The following NTM variants were observed in gnomAD, a reference collection of about 807,000 sequenced individuals.
The protein encoded by NTM is neurotrimin.
Under a neutral mutation model 42.1 loss-of-function variants are expected in NTM, and 13 were observed. The ratio of observed to expected loss-of-function variants is 0.31; its 90% confidence interval spans 0.20 to 0.49. The LOEUF (loss-of-function observed/expected upper bound fraction) is 0.49. Among genes scored for constraint, NTM ranks in the 20% least tolerant of loss-of-function variants. The probability of loss-of-function intolerance (pLI) is 0.99; values close to 1 mark genes in which losing one functional copy is unlikely to be tolerated. For missense variants in NTM, 373 were observed against 452.8 expected, an observed-to-expected ratio of 0.82 and a Z score of 1.60; for synonymous variants, 187 against 179.2, an observed-to-expected ratio of 1.04 and a Z score of -0.35.
intron 1 of NTM, among the ~76,000 whole-genome samples, chr11:131,813,369 G>T (rs1008120364): frequency 4.6e-5 from 7 of 152,150 alleles, no homozygotes; most frequent in African/African-American, 1.7e-4. Flanking sequence ...TGCTGGGGAT[G>T]CAAAGATGAA....
chr11:131,683,228 C>T (rs73031959), intron 1 of NTM, among the ~76,000 whole-genome samples: 115 of 152,352 alleles, frequency 7.5e-4, no homozygotes, highest in Non-Finnish European at 1.5e-3. Flanking sequence ...CATCACTCTC[C>T]GCGCTTCAGC....
At chr11:132,116,950 A>G (rs147581577) in intron 2 of NTM, among the ~76,000 whole-genome samples, 4 of 152,334 alleles carry the variant, frequency 2.6e-5, no homozygotes, top group Admixed American at 6.5e-5. Flanking sequence ...GGGGGAAACT[A>G]TCCATCGAGG....
Position 131,779,188 on chromosome 11 carries a change from C to A in NTM, c.83-132376C>A, listed in dbSNP as rs182219272. Among the ~76,000 whole-genome samples the A allele has an allele frequency of 2.0e-3, 298 of 152,288 alleles. 1 individual carries two copies. The highest frequency in any genetic ancestry group is 6.8e-3 in the African/African-American group (283 of 41,556). On this transcript the variant is annotated intron_variant, in intron 1 of 8. Coordinates refer to ENST00000683400, the MANE Select transcript of NTM (RefSeq NM_001352005.2). Reference sequence around the variant, plus strand: ...CCACAGAAAATGAATTCTGCCCACACAAATGAGCCTGGAAGAGGATTCGAA... The same window carrying A: ...CCACAGAAAATGAATTCTGCCCACAAAAATGAGCCTGGAAGAGGATTCGAA...
chr11:131,740,533 TA>T (rs2081051556), intron 1 of NTM, among the ~76,000 whole-genome samples: 1 of 152,248 alleles, frequency 6.6e-6, no homozygotes, highest in Non-Finnish European at 1.5e-5. Flanking sequence ...TGGCTCACAC[TA>T]AAATCCATAG....
intron 3 of NTM, among the ~76,000 whole-genome samples, chr11:132,151,611 T>G (rs1267555902): frequency 6.6e-6 from 1 of 152,222 alleles, no homozygotes; most frequent in Non-Finnish European, 1.5e-5. Flanking sequence ...CTGGAGTATC[T>G]AATCATCCCC....
intron 1 of NTM, among the ~76,000 whole-genome samples, chr11:131,683,706 C>T (rs2073368822): frequency 6.6e-6 from 1 of 152,184 alleles, no homozygotes; most frequent in South Asian, 2.1e-4. Context: ...GCGACCTGAT[C>T]CCCACGTCAG....
At position 131,678,668 on chromosome 11, in the gene NTM, C is replaced by T. The variant is rs566551456; in HGVS notation, c.83-232896C>T. Among the ~76,000 whole-genome samples the T allele has an allele frequency of 4.7e-3, 713 of 152,360 alleles. 1 individual carries two copies. The highest frequency in any genetic ancestry group is 0.01 in the Middle Eastern group (3 of 294). On this transcript the variant is annotated intron_variant, in intron 1 of 8. Transcript: ENST00000683400. ...TTTTCTTCCTTCTCTCTCTCTTCCT[C>T]TTCTCCCATCTCTTTCTTTGGCAAG... is the stretch of plus-strand genomic sequence containing the variant.
intron 1 of NTM, among the ~76,000 whole-genome samples, chr11:131,665,822 C>A (rs886918676): frequency 6.6e-6 from 1 of 152,204 alleles, no homozygotes; most frequent in Non-Finnish European, 1.5e-5. Flanking sequence ...CCCACCCCAC[C>A]GTATTTTGCC....
At chr11:131,626,262 A>G (rs2512872) in intron 1 of NTM, among the ~76,000 whole-genome samples, 122,227 of 152,054 alleles carry the variant, frequency 0.8, 49,218 homozygotes, top group Non-Finnish European at 0.83. Context: ...ACTTCTTCAA[A>G]TATCTCTTTG....
At chr11:131,432,613 A>AT (rs1405066637) in intron 1 of NTM, among the ~76,000 whole-genome samples, 4 of 152,188 alleles carry the variant, frequency 2.6e-5, no homozygotes, top group South Asian at 2.1e-4. Flanking sequence ...AAAATCGTGT[A>AT]TTTTTTGTGA....
intron 3 of NTM, among the ~76,000 whole-genome samples, chr11:132,208,514 G>A (rs2138606072): frequency 6.6e-6 from 1 of 152,228 alleles, no homozygotes; most frequent in South Asian, 2.1e-4. Context: ...ATTATTAGTG[G>A]GGGGAGACAA....
intron 4 of NTM, among the ~76,000 whole-genome samples, chr11:132,294,487 T>C (rs2094549276): frequency 1.3e-5 from 2 of 152,100 alleles, no homozygotes; most frequent in African/African-American, 4.8e-5. Context: ...AGGTTGCTAG[T>C]TTTTTCACGC....
At chr11:131,817,516 G>A (rs1360368191) in intron 1 of NTM, among the ~76,000 whole-genome samples, 1 of 152,144 alleles carries the variant, frequency 6.6e-6, no homozygotes, top group Non-Finnish European at 1.5e-5. Context: ...CACCTCAGGG[G>A]CTCCTCTCCC....
At chr11:132,289,706 C>T (rs73042099) in intron 4 of NTM, among the ~76,000 whole-genome samples, 13,688 of 152,190 alleles carry the variant, frequency 0.09, 683 homozygotes, top group Middle Eastern at 0.16. Flanking sequence ...TACTCAGTTC[C>T]GCTGGTCATG....
In NTM at chr11:132,141,945, G is replaced by T. The variant is rs74799017; in HGVS notation, c.168-4337G>T. Among the ~76,000 whole-genome samples the T allele has an allele frequency of 2.8e-4, 43 of 152,302 alleles. No homozygotes were observed. In the East Asian group the frequency reaches 8.0e-3, roughly 28 times the overall value. ...AGAAGGCTAATGGCCACTGCCAGAG[G>T]GCTGCAGTGCGGGGCAACTGGAGGG... On this transcript the variant is annotated intron_variant, in intron 2 of 8. Coordinates refer to ENST00000683400, the MANE Select transcript of NTM (RefSeq NM_001352005.2).
chr11:131,426,087 C>T (rs1292218462), intron 1 of NTM, among the ~76,000 whole-genome samples: 5 of 152,138 alleles, frequency 3.3e-5, no homozygotes, highest in Non-Finnish European at 5.9e-5. Context: ...TGGGAGGCAT[C>T]ACTGAGGGCT....
chr11:131,947,752 T>G (rs1440200716), intron 2 of NTM, among the ~76,000 whole-genome samples: 6 of 152,166 alleles, frequency 3.9e-5, no homozygotes. Flanking sequence ...ATAACAGTGA[T>G]GTTGGCTTCA....
chr11:131,671,005 C>G (rs1224557282), intron 1 of NTM, among the ~76,000 whole-genome samples: 1 of 152,122 alleles, frequency 6.6e-6, no homozygotes, highest in Non-Finnish European at 1.5e-5. Flanking sequence ...GCAGAGGCTC[C>G]CCTCTTCCTC....
At chr11:131,448,056 C>T (rs1054150064) in intron 1 of NTM, among the ~76,000 whole-genome samples, 1 of 152,250 alleles carries the variant, frequency 6.6e-6, no homozygotes, top group Admixed American at 6.5e-5. Flanking sequence ...GCCCTGCTGC[C>T]AGACCACATC....
Sources: gnomAD v4.1 joint callset for allele counts (sites outside exome capture counted in the v4.1 genomes callset) on GRCh38, gnomAD v4.1.1 for gene constraint, MANE v1.5 for transcripts, NCBI Gene and HGNC (gene_info 2026-07-23, HGNC 2026-07-21) for gene names.